The following SORL1 variants were observed in gnomAD, a reference collection of about 807,000 sequenced individuals.
SORL1 encodes the protein sortilin related receptor 1.
A neutral mutation model predicts 273.7 loss-of-function variants in SORL1; 127 were observed. The ratio of observed to expected loss-of-function variants is 0.46; its 90% CI spans 0.40 to 0.54. The LOEUF (loss-of-function observed/expected upper bound fraction) is 0.54, where lower values mean the gene tolerates loss of function less well. SORL1 is among the 20% of genes least tolerant of loss of function. The probability of loss-of-function intolerance (pLI) is 0.00; values close to 1 mark genes in which losing one functional copy is unlikely to be tolerated. For missense variants in SORL1, 2,494 were observed against 2,846.1 expected, an observed-to-expected ratio of 0.88 and a Z score of 2.81; for synonymous variants, 1,031 against 1,067.4, an observed-to-expected ratio of 0.97 and a Z score of 0.66.
At chr11:121,476,332 G>A (rs547236831) in intron 2 of SORL1, among the ~76,000 whole-genome samples, 2 of 152,296 alleles carry the variant, frequency 1.3e-5, no homozygotes, top group Admixed American at 1.3e-4. Context: ...TCCTTACTGT[G>A]TATCTGGTAG....
rs367629421 is a variant in SORL1, at chr11:121,480,742, T to A, written c.528+2499T>A. ...GCTCCTCCCCTAGTGCACAGATACC[T>A]ATAGGCAAGCTCCATCTCCTCCTCC... On this transcript the variant is annotated intron_variant, in intron 3 of 47. Transcript: ENST00000260197. 9.4e-4 allele frequency among the ~76,000 whole-genome samples: 52 copies of A among 55,334 alleles called. No individual in the cohort carries two copies. The highest frequency in any genetic ancestry group is 2.3e-3 in the African/African-American group (33 of 14,604). 36.3% of individuals were successfully genotyped at this position (55,334 alleles called of 152,430 possible).
In SORL1 at chr11:121,549,956, T is replaced by C; in HGVS notation, c.2052-4T>C. Reference sequence around the variant, plus strand: ...GCCTTAACAAAGCCCAATTGCCTTTTTAGTGACTTCGGTTTCAAGATGAGT... The same window carrying C: ...GCCTTAACAAAGCCCAATTGCCTTTCTAGTGACTTCGGTTTCAAGATGAGT... On this transcript the variant is annotated splice_polypyrimidine_tract_variant and splice_region_variant and intron_variant, in intron 14 of 47. Transcript: ENST00000260197. 1 of 1,613,268 alleles carries C rather than the reference T, an allele frequency of 6.2e-7. No homozygotes were observed. The highest frequency in any genetic ancestry group is 8.5e-7 in the Non-Finnish European group (1 of 1,179,468).
intron 1 of SORL1, among the ~76,000 whole-genome samples, chr11:121,453,435 G>A (rs1860845214): frequency 2.0e-5 from 3 of 152,174 alleles, no homozygotes; most frequent in Admixed American, 2.0e-4. Flanking sequence ...GTTAGGATCA[G>A]CACTGGCAAA....
At chr11:121,618,256 A>G (rs1241436337) in intron 41 of SORL1, among the ~76,000 whole-genome samples, 1 of 152,112 alleles carries the variant, frequency 6.6e-6, no homozygotes, top group Admixed American at 6.5e-5. Flanking sequence ...GAAAGGGAGG[A>G]TGGGTACCTG....
At chr11:121,495,874 T>A (rs949662874) in intron 5 of SORL1, among the ~76,000 whole-genome samples, 1 of 152,168 alleles carries the variant, frequency 6.6e-6, no homozygotes, top group African/African-American at 2.4e-5. Context: ...TAGGGTAAAA[T>A]GAAATCTAAG....
In SORL1 at chr11:121,545,350, G is replaced by A; in HGVS notation, c.1972G>A (p.Ala658Thr). The stretch of plus-strand genomic sequence containing the variant: ...TGTTTTCAAACGGCGGACCCCCCAT[G>A]CCACATGCTTCAATGGAGAGGACTT... ...KTVFKRRTPH[A>T]TCFNGEDFDR... Residue 658 changes from alanine (A) to threonine (T), a missense_variant, in exon 14 of 48, where the codon GCC (alanine) becomes ACC (threonine). Ala to Thr is a moderately conservative substitution (Grantham distance 58). This residue lies in a region of SORL1 where 710 missense variants were observed against 882.5 expected (regional missense o/e 0.80). Transcript: ENST00000260197. 2.5e-6 allele frequency: 4 copies of A among 1,614,184 alleles called. No homozygotes were observed. Among genetic ancestry groups the A allele is most frequent in the Middle Eastern group, 1.6e-4 (1 of 6,062 alleles).
rs778270547 is a variant in SORL1, at chr11:121,607,321, T to C, written c.5166+31T>C. 4 of 1,309,466 alleles carry C rather than the reference T, an allele frequency of 3.1e-6. No homozygotes were observed. The South Asian group carries it at 4.7e-5, about 16-fold the overall frequency. 81.1% of individuals were successfully genotyped at this position (1,309,466 alleles called of 1,614,324 possible). ...TGTCGTCATCCATTCCAGCCATCCA[T>C]GCAGTCTTAGAACTGAGCGAAATTG... On this transcript the variant is annotated intron_variant, in intron 37 of 47. Coordinates refer to ENST00000260197, the MANE Select transcript of SORL1 (RefSeq NM_003105.6).
Position 121,547,417 on chromosome 11 carries a change from C to CAAAAAAAAAAAAAA in SORL1, c.2051+2003_2051+2016dup, listed in dbSNP as rs67390938. On this transcript the variant is annotated intron_variant, in intron 14 of 47. Coordinates refer to ENST00000260197, the MANE Select transcript of SORL1 (RefSeq NM_003105.6). ...TGCCCTACATTTCCCCAACCCTCAC[C>CAAAAAAAAAAAAAA]AAAAAAAAAAAAAAAAAAAAAAAAA... is the stretch of plus-strand genomic sequence containing the variant. Among the ~76,000 whole-genome samples, 21 of 24,034 alleles carry CAAAAAAAAAAAAAA rather than the reference C, an allele frequency of 8.7e-4. 3 individuals are homozygous for CAAAAAAAAAAAAAA. Among genetic ancestry groups the CAAAAAAAAAAAAAA allele is most frequent in the African/African-American group, 2.2e-3 (9 of 4,102 alleles). The allele number at this position is 24,034 out of a possible 152,430, so 15.8% of individuals were successfully genotyped here. A position where few individuals can be genotyped will look rare whatever the true frequency, so the allele number is the denominator to read the frequency against.
At chr11:121,603,233 A>AT in intron 32 of SORL1, among the ~76,000 whole-genome samples, 1 of 152,332 alleles carries the variant, frequency 6.6e-6, no homozygotes, top group African/African-American at 2.4e-5. Flanking sequence ...AGCAAGATTG[A>AT]TTTTAGACCC....
At chr11:121,588,944 G>A (rs1187463495) in intron 28 of SORL1, among the ~76,000 whole-genome samples, 3 of 152,054 alleles carry the variant, frequency 2.0e-5, no homozygotes, top group Non-Finnish European at 2.9e-5. Context: ...TCATTCTAAC[G>A]TTTCCTCTTT....
At chr11:121,602,075 C>A (rs143389265) in intron 32 of SORL1, among the ~76,000 whole-genome samples, 2 of 152,178 alleles carry the variant, frequency 1.3e-5, no homozygotes, top group Admixed American at 6.5e-5. Flanking sequence ...GTAGGACCTC[C>A]ATGAATGTTC....
At chr11:121,514,029 C>T (rs901119334) in intron 7 of SORL1, 123 bp from the exon 8 acceptor site, 57 of 1,087,716 alleles carry the variant, frequency 5.2e-5, no homozygotes, top group African/African-American at 1.1e-4. Flanking sequence ...GGGAGCTTCC[C>T]GTGGGCTTTA....
chr11:121,491,919 G>A (rs1861560553), intron 5 of SORL1, among the ~76,000 whole-genome samples: 2 of 152,158 alleles, frequency 1.3e-5, no homozygotes, highest in South Asian at 2.1e-4. Flanking sequence ...CAGGGAACAG[G>A]ATATTTGCAA....
At chr11:121,469,019 C>T (rs574323213) in intron 1 of SORL1, among the ~76,000 whole-genome samples, 2 of 152,306 alleles carry the variant, frequency 1.3e-5, no homozygotes, top group South Asian at 2.1e-4. Flanking sequence ...AAAGGCTCAG[C>T]GTGTGGCTGA....
At chr11:121,543,190 C>CAAAAAAAAAGAA (rs542276698) in intron 12 of SORL1, among the ~76,000 whole-genome samples, 1 of 136,590 alleles carries the variant, frequency 7.3e-6, no homozygotes, top group East Asian at 2.2e-4. Context: ...GACTCCATCT[C>CAAAAAAAAAGAA]AAAAAAAAAG....
chr11:121,605,879 G>A (rs140626439), intron 35 of SORL1, among the ~76,000 whole-genome samples: 4 of 152,200 alleles, frequency 2.6e-5, no homozygotes, highest in Admixed American at 6.5e-5. Context: ...TTAGGAGGAG[G>A]TCATCGTCAT....
chr11:121,525,350 A>G (rs1862105673), intron 11 of SORL1, among the ~76,000 whole-genome samples: 1 of 152,158 alleles, frequency 6.6e-6, no homozygotes. Context: ...ATCATAATTT[A>G]TTTATTCATT....
intron 24 of SORL1, 184 bp from the exon 25 acceptor site, chr11:121,577,097 C>G (rs543604995): frequency 9.1e-7 from 1 of 1,100,326 alleles, no homozygotes; most frequent in African/African-American, 1.6e-5. Flanking sequence ...AACCCATTTG[C>G]AGCACACTGA....
intron 1 of SORL1, among the ~76,000 whole-genome samples, chr11:121,457,666 C>T (rs1303262628): frequency 6.6e-6 from 1 of 152,206 alleles, no homozygotes; most frequent in Non-Finnish European, 1.5e-5. Flanking sequence ...TCTCCTTTCA[C>T]TTCAAGCGTT....
Sources: allele counts gnomAD v4.1 joint callset (sites outside exome capture counted in the v4.1 genomes callset), GRCh38; gene constraint gnomAD v4.1.1; regional missense constraint gnomAD v4.1.1; transcripts MANE v1.5; gene names NCBI Gene and HGNC (gene_info 2026-07-23, HGNC 2026-07-21).